Variants in CASTOR2 observed in about 807,000 individuals in gnomAD.
CASTOR2 encodes GATS protein like 2.
In CASTOR2, 8 loss-of-function variants were observed where a neutral mutation model predicts 31.2. The ratio of observed to expected loss-of-function variants is 0.26; its 90% CI spans 0.15 to 0.46. The LOEUF (loss-of-function observed/expected upper bound fraction) is 0.46. Among genes scored for constraint, CASTOR2 ranks in the 20% least tolerant of loss-of-function variants. The pLI, the probability that CASTOR2 is intolerant of heterozygous loss-of-function variation, is 0.99. For synonymous variants in CASTOR2, 162 were observed against 158.7 expected (o/e 1.02, Z -0.16); for missense variants, 216 against 382.1 (o/e 0.57, Z 3.62).
chr7:74,974,347 C>T (rs77349091), intron 1 of CASTOR2, among the ~76,000 whole-genome samples: 1,584 of 149,244 alleles, frequency 0.011, 37 homozygotes, highest in Non-Finnish European at 0.015. Flanking sequence ...ATAGGAAGCG[C>T]GAAAGGAGTT....
rs1292080554 is a variant in CASTOR2, at chr7:75,029,613, G to T, written c.*4914G>T. Among the ~76,000 whole-genome samples, 6 of 152,038 alleles carry T rather than the reference G, an allele frequency of 3.9e-5. No individual in the cohort carries two copies. The highest frequency in any genetic ancestry group is 1.2e-4 in the African/African-American group (5 of 41,396). ...CCCACCTTGGCCTCCCAAAGTGCTG[G>T]GATTACAGGCATGAGATACCCCGCC... is the stretch of plus-strand genomic sequence containing the variant. On this transcript the variant is annotated 3_prime_UTR_variant, in exon 9 of 9. Transcript: ENST00000616305.
At chr7:75,006,381 T>G (rs1804606548) in intron 1 of CASTOR2, among the ~76,000 whole-genome samples, 1 of 152,170 alleles carries the variant, frequency 6.6e-6, no homozygotes. Flanking sequence ...CTCCATATCC[T>G]TGTGAAAATT....
intron 6 of CASTOR2, among the ~76,000 whole-genome samples, chr7:75,021,386 C>G (rs1410701069): frequency 2.0e-5 from 3 of 152,196 alleles, no homozygotes; most frequent in African/African-American, 7.2e-5. Flanking sequence ...CTCGGCCTCC[C>G]AAAGTGCTGG....
intron 1 of CASTOR2, among the ~76,000 whole-genome samples, chr7:75,003,276 G>A (rs1804536902): frequency 6.6e-6 from 1 of 152,068 alleles, no homozygotes. Context: ...GTGAGACCCT[G>A]TCTCTACAAA....
At chr7:75,021,746 G>C in intron 6 of CASTOR2, 128 bp from the exon 7 acceptor site, 1 of 1,123,632 alleles carries the variant, frequency 8.9e-7, no homozygotes, top group Non-Finnish European at 1.3e-6. Flanking sequence ...TTGTTTTTGG[G>C]GGGCCCTGAG....
intron 2 of CASTOR2, among the ~76,000 whole-genome samples, chr7:75,015,001 G>GC (rs1193928894): frequency 6.6e-6 from 1 of 152,228 alleles, no homozygotes; most frequent in Non-Finnish European, 1.5e-5. Context: ...GACTGGGGCC[G>GC]CCCTTTCCCA....
chr7:75,006,313 T>C (rs1215627643), intron 1 of CASTOR2, among the ~76,000 whole-genome samples: 5 of 152,072 alleles, frequency 3.3e-5, no homozygotes, highest in Non-Finnish European at 7.4e-5. Context: ...GCCAAATGAA[T>C]GTTTGAAGGG....
intron 2 of CASTOR2, among the ~76,000 whole-genome samples, chr7:75,009,151 A>G (rs1203459915): frequency 7.2e-6 from 1 of 137,974 alleles, no homozygotes; most frequent in African/African-American, 2.7e-5. Context: ...AGAGATGGAG[A>G]TTCACCCTGT....
intron 1 of CASTOR2, among the ~76,000 whole-genome samples, chr7:74,988,622 C>T (rs1342629533): frequency 1.3e-5 from 2 of 151,938 alleles, no homozygotes; most frequent in Non-Finnish European, 2.9e-5. Flanking sequence ...TGGTGGACCT[C>T]AGGCATGCAG....
At chr7:74,997,335 G>T (rs1213039755) in intron 1 of CASTOR2, among the ~76,000 whole-genome samples, 5 of 152,014 alleles carry the variant, frequency 3.3e-5, no homozygotes, top group African/African-American at 1.2e-4. Flanking sequence ...GTTCCTGAAG[G>T]CAGACAGTAG....
chr7:75,015,110 G>C (rs1804837565), intron 2 of CASTOR2, among the ~76,000 whole-genome samples: 1 of 152,218 alleles, frequency 6.6e-6, no homozygotes, highest in Admixed American at 6.5e-5. Flanking sequence ...TGGTCACCAT[G>C]GTGACCGGAG....
chr7:75,003,009 T>C (rs1451209042), intron 1 of CASTOR2, among the ~76,000 whole-genome samples: 7 of 151,734 alleles, frequency 4.6e-5, no homozygotes, highest in African/African-American at 1.7e-4. Context: ...TGCAAGGGGG[T>C]GCTGTGCTTG....
In CASTOR2 at chr7:75,023,470, G is replaced by GTT. The variant is rs1473859596; in HGVS notation, c.830-965_830-964dup. Among the ~76,000 whole-genome samples the GTT allele has an allele frequency of 2.0e-4, 5 of 25,020 alleles. No homozygotes were observed. In the East Asian group the frequency reaches 8.0e-3, roughly 40 times the overall value. The allele number at this position is 25,020 out of a possible 152,430, so 16.4% of individuals were successfully genotyped here. On this transcript the variant is annotated intron_variant, in intron 7 of 8. Transcript: ENST00000616305. ...TGGATAGCATTTTTTTTTTCTTTTT[G>GTT]TTTTTTGTTTTTTTTTTTTTTGAGA...
chr7:75,027,919 A>G lies in CASTOR2; in HGVS notation c.*3220A>G. ...GCTATCTCCTGGTCTGCTGGGTGGG[A>G]GGGTCTCTCCAGGCCCCAGACCCCA... On this transcript the variant is annotated 3_prime_UTR_variant, in exon 9 of 9. Transcript: ENST00000616305. 1 of 1,170,180 alleles carries G rather than the reference A, an allele frequency of 8.5e-7. No homozygotes were observed. Among genetic ancestry groups the G allele is most frequent in the Non-Finnish European group, 1.2e-6 (1 of 815,942 alleles). 72.5% of individuals were successfully genotyped at this position (1,170,180 alleles called of 1,614,324 possible). A position where few individuals can be genotyped will look rare whatever the true frequency, so the allele number is the denominator to read the frequency against.
intron 1 of CASTOR2, among the ~76,000 whole-genome samples, chr7:75,007,356 T>C (rs1171551346): frequency 6.6e-6 from 1 of 152,096 alleles, no homozygotes; most frequent in African/African-American, 2.4e-5. Flanking sequence ...TAGATGGTTT[T>C]GTTTTGCGGG....
intron 7 of CASTOR2, among the ~76,000 whole-genome samples, chr7:75,023,272 C>T (rs1805048396): frequency 6.6e-6 from 1 of 151,966 alleles, no homozygotes; most frequent in Non-Finnish European, 1.5e-5. Flanking sequence ...GGCGCCACTG[C>T]ACTCCAGCCT....
intron 1 of CASTOR2, among the ~76,000 whole-genome samples, chr7:74,999,960 C>T (rs1221426459): frequency 2.0e-5 from 3 of 152,112 alleles, no homozygotes; most frequent in East Asian, 1.9e-4. Flanking sequence ...TGCACTGGCT[C>T]GCAACTGTAA....
In CASTOR2 at chr7:75,029,188, T is replaced by G. The variant is rs1286467323; in HGVS notation, c.*4489T>G. Among the ~76,000 whole-genome samples, 2 of 152,138 alleles carry G rather than the reference T, an allele frequency of 1.3e-5. No individual in the cohort carries two copies. The highest frequency in any genetic ancestry group is 4.8e-5 in the African/African-American group (2 of 41,434). On this transcript the variant is annotated 3_prime_UTR_variant, in exon 9 of 9. Transcript: ENST00000616305. ...AAGGTGAACACAGGCCACCTCCCAC[T>G]GGCCCCCTCCTCCTGGCCACATTTT...
rs1322074895 is a variant in CASTOR2, at chr7:75,029,475, C to T, written c.*4776C>T. Reference sequence around the variant, plus strand: ...TCTCCTGCCTCAGCCTCCCAAGTAGCTGGGATTACAGGCACCCACCACCAC... The same window carrying T: ...TCTCCTGCCTCAGCCTCCCAAGTAGTTGGGATTACAGGCACCCACCACCAC... On this transcript the variant is annotated 3_prime_UTR_variant, in exon 9 of 9. Coordinates refer to ENST00000616305, the MANE Select transcript of CASTOR2 (RefSeq NM_001145064.3). Among the ~76,000 whole-genome samples, 1 of 151,414 alleles carries T rather than the reference C, an allele frequency of 6.6e-6. No individual in the cohort carries two copies. Among genetic ancestry groups the T allele is most frequent in the Non-Finnish European group, 1.5e-5 (1 of 67,952 alleles).
Sources: allele counts gnomAD v4.1 joint callset (sites outside exome capture counted in the v4.1 genomes callset), GRCh38; gene constraint gnomAD v4.1.1; transcripts MANE v1.5; gene names NCBI Gene and HGNC (gene_info 2026-07-23, HGNC 2026-07-21).